The following DZIP1L variants were observed in gnomAD, a reference collection of about 807,000 sequenced individuals.
The protein encoded by DZIP1L is DAZ interacting zinc finger protein 1 like, also known as cilium assembly protein DZIP1L.
In DZIP1L, 90 loss-of-function variants were observed where a neutral mutation model predicts 88.7. That is an observed-to-expected ratio of 1.02 (90% CI 0.86 to 1.21). DZIP1L has a LOEUF of 1.21. DZIP1L is among the 50% of genes most tolerant of loss of function. The pLI is 0.00. For missense variants in DZIP1L, 932 were observed against 955.8 expected, an observed-to-expected ratio of 0.98 and a Z score of 0.33; for synonymous variants, 363 against 372.1, an observed-to-expected ratio of 0.98 and a Z score of 0.28.
chr3:138,071,971 A>C lies in DZIP1L; in HGVS notation c.1423-136T>G, dbSNP rs1576441142. ...TGCTTTTCTTGCAGGACTGGGGGGC[A>C]TGAAATGAGGATCAGAGAAGGGTAA... On this transcript the variant is annotated intron_variant, in intron 11 of 15. Transcript: ENST00000327532. The C allele has an allele frequency of 7.1e-6, 6 of 844,136 alleles. No individual in the cohort carries two copies. In the East Asian group the frequency reaches 1.6e-4, roughly 23 times the overall value. The allele number at this position is 844,136 out of a possible 1,614,324, so 52.3% of individuals were successfully genotyped here. A position where few individuals can be genotyped will look rare whatever the true frequency, so the allele number is the denominator to read the frequency against.
intron 1 of DZIP1L, among the ~76,000 whole-genome samples, chr3:138,108,918 T>G (rs1433881055): frequency 6.6e-6 from 1 of 152,198 alleles, no homozygotes; most frequent in Non-Finnish European, 1.5e-5. Context: ...CAGCATCACC[T>G]GGGAATTTGT....
intron 8 of DZIP1L, 104 bp from the exon 9 acceptor site, chr3:138,081,868 G>T: frequency 2.4e-6 from 3 of 1,233,128 alleles, no homozygotes; most frequent in Non-Finnish European, 3.4e-6. Context: ...GATGGCTACA[G>T]ATTCCATGAC....
chr3:138,076,353 G>A (rs1306710277), intron 11 of DZIP1L, among the ~76,000 whole-genome samples: 1 of 152,200 alleles, frequency 6.6e-6, no homozygotes, highest in Non-Finnish European at 1.5e-5. Context: ...AAAGTGTGGA[G>A]ATTCCTTAAA....
chr3:138,103,073 A>G (rs1378551176), intron 2 of DZIP1L, among the ~76,000 whole-genome samples: 1 of 152,008 alleles, frequency 6.6e-6, no homozygotes, highest in Non-Finnish European at 1.5e-5. Flanking sequence ...CACATTACAC[A>G]CCACACACCC....
chr3:138,104,984 A>G (rs2042439853), intron 1 of DZIP1L, among the ~76,000 whole-genome samples: 1 of 152,218 alleles, frequency 6.6e-6, no homozygotes, highest in African/African-American at 2.4e-5. Flanking sequence ...CTTTTATAAA[A>G]GCAAAGTAAA....
At chr3:138,102,479 G>A in intron 2 of DZIP1L, 1 of 1,390,556 alleles carries the variant, frequency 7.2e-7, no homozygotes, top group Non-Finnish European at 1.0e-6. Context: ...TGCTGCCTAA[G>A]GTTGTTGATG....
At chr3:138,077,379 T>A in intron 11 of DZIP1L, 120 bp downstream of exon 11, 2 of 1,475,614 alleles carry the variant, frequency 1.4e-6, no homozygotes, top group Non-Finnish European at 1.8e-6. Flanking sequence ...GAGCCCGGGC[T>A]GCCACAAGTG....
intron 1 of DZIP1L, among the ~76,000 whole-genome samples, chr3:138,108,916 C>T (rs943514821): frequency 2.6e-5 from 4 of 152,164 alleles, no homozygotes; most frequent in Non-Finnish European, 5.9e-5. Context: ...ATCAGCATCA[C>T]CTGGGAATTT....
intron 5 of DZIP1L, among the ~76,000 whole-genome samples, chr3:138,090,814 T>C (rs1944181523): frequency 6.6e-6 from 1 of 152,182 alleles, no homozygotes; most frequent in Non-Finnish European, 1.5e-5. Flanking sequence ...GATAAATACA[T>C]TTAAAAAATA....
chr3:138,080,275 C>T (rs752344519), intron 10 of DZIP1L: 3 of 283,152 alleles, frequency 1.1e-5, no homozygotes, highest in Admixed American at 4.6e-5. Context: ...GTGAATCAGA[C>T]GTCCCTCCAA....
rs1478530669 is a variant in DZIP1L, at chr3:138,079,538, T to C, written c.1288+1029A>G. 2.0e-5 allele frequency among the ~76,000 whole-genome samples: 3 copies of C among 152,228 alleles called. No homozygotes were observed. In the East Asian group the frequency reaches 5.8e-4, roughly 29 times the overall value. ...ACTGCAGAACAATGTGTACAGTGTG[T>C]TCCCATTTGGGAAAAGGGAGAAGAA... On this transcript the variant is annotated intron_variant, in intron 10 of 15. Transcript: ENST00000327532.
intron 11 of DZIP1L, 123 bp downstream of exon 11, chr3:138,077,376 G>A: frequency 6.9e-7 from 1 of 1,457,258 alleles, no homozygotes; most frequent in Non-Finnish European, 9.4e-7. Flanking sequence ...GAGGAGCCCG[G>A]GCTGCCACAA....
At chr3:138,080,525 T>G (rs1250671639) in intron 10 of DZIP1L, 42 bp downstream of exon 10, 1 of 1,604,516 alleles carries the variant, frequency 6.2e-7, no homozygotes, top group Non-Finnish European at 8.5e-7. Flanking sequence ...GCAGCAAATC[T>G]GTTTCTGCAC....
At chr3:138,108,323 G>T in intron 1 of DZIP1L, 1 of 661,120 alleles carries the variant, frequency 1.5e-6, no homozygotes, top group Non-Finnish European at 1.9e-6. Flanking sequence ...CCTGCTTCCT[G>T]ATGTCCCAGC....
At chr3:138,102,260 G>C in intron 2 of DZIP1L, 1 of 1,440,246 alleles carries the variant, frequency 6.9e-7, no homozygotes. Context: ...AGTTGATCTC[G>C]TCAGTCAGCC....
rs1944275695 is a variant in DZIP1L at position 138,092,312 on chromosome 3, C to A, written c.870+71G>T. ...AACAGCAGATGAAATAAAACCAGTA[C>A]AAACTAAGAAATTTTGAGAATAAGC... is the stretch of plus-strand genomic sequence containing the variant. On this transcript the variant is annotated intron_variant, in intron 5 of 15. Transcript: ENST00000327532. 4 of 1,444,000 alleles carry A rather than the reference C, an allele frequency of 2.8e-6. No individual in the cohort carries two copies. In the African/African-American group the frequency reaches 5.8e-5, roughly 21 times the overall value. 89.4% of individuals were successfully genotyped at this position (1,444,000 alleles called of 1,614,324 possible). A position where few individuals can be genotyped will look rare whatever the true frequency, so the allele number is the denominator to read the frequency against.
At chr3:138,084,782 T>C (rs534080961) in intron 7 of DZIP1L, among the ~76,000 whole-genome samples, 81 of 152,264 alleles carry the variant, frequency 5.3e-4, no homozygotes, top group African/African-American at 1.8e-3. Context: ...GAACAGGAAA[T>C]GTGAATGTGA....
rs1312266483 is a variant in DZIP1L, at chr3:138,063,783, C to T, written c.2143-806G>A. Among the ~76,000 whole-genome samples the T allele has an allele frequency of 6.6e-6, 1 of 152,220 alleles. No individual in the cohort carries two copies. The highest frequency in any genetic ancestry group is 1.5e-5 in the Non-Finnish European group (1 of 68,040). ...TTTTTTCTTTTCAATCATTTGGATG[C>T]ATTACTCACAAACATACAGGAGCTG... On this transcript the variant is annotated intron_variant, in intron 15 of 15. Coordinates refer to ENST00000327532, the MANE Select transcript of DZIP1L (RefSeq NM_173543.3). The surrounding 1 kb of genome is among the most constrained non-coding windows in gnomAD (Gnocchi z 4.1).
In DZIP1L at chr3:138,062,777, G is replaced by A; in HGVS notation, c.*39C>T. 1 of 1,609,760 alleles carries A rather than the reference G, an allele frequency of 6.2e-7. No homozygotes were observed. Among genetic ancestry groups the A allele is most frequent in the Non-Finnish European group, 8.5e-7 (1 of 1,177,684 alleles). On this transcript the variant is annotated 3_prime_UTR_variant, in exon 16 of 16. Coordinates refer to ENST00000327532, the MANE Select transcript of DZIP1L (RefSeq NM_173543.3). ...TTGAAGTGGACCTGAGCTGGCCCCA[G>A]CCAGGCTAACCCTCTAGCCAGCTAG...
Sources: allele counts gnomAD v4.1 joint callset (sites outside exome capture counted in the v4.1 genomes callset), GRCh38; gene constraint gnomAD v4.1.1; non-coding constraint Gnocchi (gnomAD v3.1); transcripts MANE v1.5; gene names NCBI Gene and HGNC (gene_info 2026-07-23, HGNC 2026-07-21).